Variants in CCDC57 observed in about 807,000 individuals in gnomAD.
The protein encoded by CCDC57 is coiled-coil domain-containing protein 57.
CCDC57 carries 118 observed loss-of-function variants against 118.9 expected under a neutral mutation model. That is an observed-to-expected ratio of 0.99 (90% CI 0.86 to 1.16). The LOEUF (loss-of-function observed/expected upper bound fraction) is 1.16, where lower values mean the gene tolerates loss of function less well. Ranked by LOEUF, CCDC57 falls within the 50% of genes most tolerant of loss-of-function variation. The pLI is 0.00. For synonymous variants in CCDC57, 527 were observed against 532.9 expected (o/e 0.99, Z 0.15); for missense variants, 1,300 against 1,320.7 (o/e 0.98, Z 0.24).
intron 16 of CCDC57, among the ~76,000 whole-genome samples, chr17:82,144,530 T>C (rs1036847496): frequency 6.6e-6 from 1 of 152,176 alleles, no homozygotes; most frequent in Non-Finnish European, 1.5e-5. Flanking sequence ...AGTCTGAGTA[T>C]AAAGCCTTGT....
At chr17:82,182,293 A>AG (rs1006953958) in intron 9 of CCDC57, among the ~76,000 whole-genome samples, 1 of 151,400 alleles carries the variant, frequency 6.6e-6, no homozygotes, top group Non-Finnish European at 1.5e-5. Context: ...AAAAAAAAAA[A>AG]GAATGCTGGA....
intron 15 of CCDC57, 24 bp downstream of exon 14, chr17:82,157,724 C>G: frequency 6.4e-7 from 1 of 1,552,460 alleles, no homozygotes; most frequent in East Asian, 2.4e-5. Context: ...CGGCGGGTGG[C>G]AGGAGGAGCT....
Position 82,209,308 on chromosome 17 carries a change from T to A in CCDC57, c.-210-1260A>T, listed in dbSNP as rs7223149. 4.4e-3 allele frequency among the ~76,000 whole-genome samples: 664 copies of A among 152,342 alleles called. 5 individuals carry two copies. Among genetic ancestry groups the A allele is most frequent in the African/African-American group, 0.015 (633 of 41,582 alleles). ...AGAAGTTGAAGTCGAAGTCTTGTAG[T>A]TGAGTTTAGACTTTGCGGACTTTTA... On this transcript the variant is annotated intron_variant, in intron 1 of 19. Coordinates refer to ENST00000665763, the Ensembl canonical transcript of CCDC57.
chr17:82,184,191 C>G lies in CCDC57; in HGVS notation c.1053-259G>C, dbSNP rs144517086. Among the ~76,000 whole-genome samples the G allele has an allele frequency of 3.9e-5, 6 of 151,980 alleles. No homozygotes were observed. The East Asian group carries it at 1.2e-3, about 30-fold the overall frequency. On this transcript the variant is annotated intron_variant, in intron 8 of 19. Coordinates refer to ENST00000665763, the Ensembl canonical transcript of CCDC57. ...TCCATGCATGCATGCATCCCACCAA[C>G]CCAGATTCCAGCTAAGCTCCTGCAG...
intron 11 of CCDC57, among the ~76,000 whole-genome samples, chr17:82,177,484 A>G (rs1007826559): frequency 3.3e-5 from 5 of 152,022 alleles, no homozygotes; most frequent in Admixed American, 2.0e-4. Context: ...GTAGGAGGAG[A>G]TTGCAGTGAG....
intron 19 of CCDC57, among the ~76,000 whole-genome samples, chr17:82,114,938 C>A (rs8081543): frequency 6.6e-6 from 1 of 152,188 alleles, no homozygotes; most frequent in African/African-American, 2.4e-5. Context: ...CCCCACACTG[C>A]CATGGAGGGC....
chr17:82,205,634 C>T (rs1204464001), intron 2 of CCDC57, among the ~76,000 whole-genome samples: 1 of 152,186 alleles, frequency 6.6e-6, no homozygotes, highest in Non-Finnish European at 1.5e-5. Flanking sequence ...CAGGACTCAG[C>T]GGGTCACCCT....
At chr17:82,121,658 G>A (rs1382158936) in intron 19 of CCDC57, among the ~76,000 whole-genome samples, 1 of 152,190 alleles carries the variant, frequency 6.6e-6, no homozygotes, top group East Asian at 1.9e-4. Flanking sequence ...AATCCCAGAG[G>A]GGCCACCTGA....
exon 3 of CCDC57, chr17:82,201,638 T>A: frequency 6.2e-7 from 1 of 1,613,884 alleles, no homozygotes; most frequent in Non-Finnish European, 8.5e-7. Context: ...AGCGCCTGCC[T>A]CAGCTTAGCT....
chr17:82,164,960 A>G (rs1292725257), intron 13 of CCDC57, among the ~76,000 whole-genome samples: 3 of 152,224 alleles, frequency 2.0e-5, no homozygotes, highest in African/African-American at 4.8e-5. Flanking sequence ...TCCCATGAAC[A>G]TTATGAGAAT....
intron 8 of CCDC57, 95 bp from the exon 8 acceptor site, chr17:82,184,027 G>GCTCA: frequency 1.2e-5 from 4 of 325,786 alleles, no homozygotes; most frequent in East Asian, 1.4e-4. Flanking sequence ...GCGCGCGCGC[G>GCTCA]CGCGCACACA....
chr17:82,145,790 G>T (rs1315222704), intron 16 of CCDC57: 2 of 465,886 alleles, frequency 4.3e-6, no homozygotes. Flanking sequence ...CCCTGGTCTC[G>T]GCCGGAACCC....
intron 15 of CCDC57, among the ~76,000 whole-genome samples, chr17:82,152,518 C>A (rs10163482): frequency 0.47 from 70,842 of 151,818 alleles, 17,299 homozygotes; most frequent in East Asian, 0.88. Context: ...CCTCACTCAG[C>A]CCAACCTGGA....
chr17:82,201,986 C>G (rs528620925), intron 2 of CCDC57, 34 bp from the exon 2 acceptor site: 4 of 1,513,150 alleles, frequency 2.6e-6, no homozygotes, highest in East Asian at 2.3e-5. Flanking sequence ...CAGGGTGCAC[C>G]GTGAGGGGCC....
chr17:82,111,432 G>A (rs1568138445), intron 19 of CCDC57, among the ~76,000 whole-genome samples: 1 of 146,084 alleles, frequency 6.8e-6, no homozygotes. Context: ...AGGTTGGAGC[G>A]CAGTGGCGTG....
At chr17:82,126,589 T>C (rs7406137) in intron 19 of CCDC57, 571,406 of 985,082 alleles carry the variant, frequency 0.58, 167,741 homozygotes, top group African/African-American at 0.61. Context: ...ATGCCAATCC[T>C]GCTGCCACCG....
intron 17 of CCDC57, among the ~76,000 whole-genome samples, chr17:82,133,431 CAAAAA>C (rs71166189): frequency 5.2e-5 from 2 of 38,390 alleles, no homozygotes; most frequent in African/African-American, 2.1e-4. Context: ...GGCCCTGTCT[CAAAAA>C]AAAAAAAAAA....
exon 4 of CCDC57, chr17:82,198,330 A>T (rs770143576): frequency 6.2e-7 from 1 of 1,612,830 alleles, no homozygotes; most frequent in East Asian, 2.2e-5. Context: ...CTGCAGAGCA[A>T]GCTCACCGTC....
chr17:82,211,149 C>G (rs1443447037), intron 1 of CCDC57, among the ~76,000 whole-genome samples: 1 of 152,118 alleles, frequency 6.6e-6, no homozygotes, highest in Admixed American at 6.5e-5. Flanking sequence ...ACCACCTCAG[C>G]CCCCAGGACG....
Sources: allele counts gnomAD v4.1 joint callset (sites outside exome capture counted in the v4.1 genomes callset), GRCh38; gene constraint gnomAD v4.1.1; transcripts MANE v1.5; gene names NCBI Gene and HGNC (gene_info 2026-07-23, HGNC 2026-07-21).